HEG1: variants seen among roughly 807,000 people sequenced by gnomAD.
HEG1 encodes heart development protein with EGF like domains 1.
A neutral mutation model predicts 125.6 loss-of-function variants in HEG1; 56 were observed. That is an observed-to-expected ratio of 0.45 (90% CI 0.36 to 0.56). The LOEUF (loss-of-function observed/expected upper bound fraction) is 0.56, where lower values mean the gene tolerates loss of function less well. HEG1 is among the 20% of genes least tolerant of loss of function. The pLI, the probability that HEG1 is intolerant of heterozygous loss-of-function variation, is 0.00. For synonymous variants in HEG1, 644 were observed against 668.5 expected, an observed-to-expected ratio of 0.96 and a Z score of 0.57; for missense variants, 1,523 against 1,670.0, an observed-to-expected ratio of 0.91 and a Z score of 1.53.
chr3:125,033,735 C>A (rs911290574), intron 1 of HEG1, among the ~76,000 whole-genome samples: 1 of 152,130 alleles, frequency 6.6e-6, no homozygotes, highest in South Asian at 2.1e-4. Context: ...TAGCGGTCCG[C>A]GGGCTATTAG....
intron 9 of HEG1, among the ~76,000 whole-genome samples, chr3:125,002,925 C>G (rs1401855931): frequency 1.3e-5 from 2 of 152,162 alleles, no homozygotes; most frequent in Admixed American, 1.3e-4. Context: ...GGCCTGCTTC[C>G]CTGCTACCCT....
At chr3:125,046,177 C>A (rs1937660801) in intron 1 of HEG1, among the ~76,000 whole-genome samples, 1 of 152,080 alleles carries the variant, frequency 6.6e-6, no homozygotes, top group East Asian at 1.9e-4. Flanking sequence ...CTGCTAGCAG[C>A]TACAGCCAGT....
chr3:124,992,977 T>A (rs919833639), intron 12 of HEG1, among the ~76,000 whole-genome samples: 1 of 152,228 alleles, frequency 6.6e-6, no homozygotes, highest in Admixed American at 6.5e-5. Flanking sequence ...GGGGATGTCA[T>A]GGACTGCTTT....
chr3:125,027,223 G>T lies in HEG1; in HGVS notation c.895C>A (p.Leu299Ile), dbSNP rs1201085841. 1 of 1,608,032 alleles carries T rather than the reference G, an allele frequency of 6.2e-7. No individual in the cohort carries two copies. Among genetic ancestry groups the T allele is most frequent in the East Asian group, 2.2e-5 (1 of 44,822 alleles). Residue 299 changes from leucine (L) to isoleucine (I), a missense_variant, in exon 3 of 17, where the codon CTC becomes ATC. Transcript: ENST00000311127. ...HFYRTAASSPLLDLSSSSEST... is the reference protein window; with the variant it reads ...HFYRTAASSPILDLSSSSEST... ...CACTCACATGAGGAAAGGTCTAAGA[G>T]AGGAGAGGAAGCTGCTGTCCTGTAG... is the stretch of plus-strand genomic sequence containing the variant.
rs1553776022 is a variant in HEG1, at chr3:124,987,952, C to CATAT, written c.3733+2831_3733+2834dup. Among the ~76,000 whole-genome samples, 18 of 54,700 alleles carry CATAT rather than the reference C, an allele frequency of 3.3e-4. 2 individuals are homozygous for CATAT. Among genetic ancestry groups the CATAT allele is most frequent in the Admixed American group, 2.2e-3 (10 of 4,534 alleles). 35.9% of individuals were successfully genotyped at this position (54,700 alleles called of 152,430 possible). ...ACACACACACACACACACACACACA[C>CATAT]ATATATATATATATATATATATACC... On this transcript the variant is annotated intron_variant, in intron 14 of 16. Coordinates refer to ENST00000311127, the MANE Select transcript of HEG1 (RefSeq NM_020733.2).
At chr3:124,982,457 C>T (rs1216541511) in intron 14 of HEG1, among the ~76,000 whole-genome samples, 2 of 152,172 alleles carry the variant, frequency 1.3e-5, no homozygotes, top group Middle Eastern at 6.3e-3. Flanking sequence ...TTGTCCTATC[C>T]TTTTTAGTGC....
chr3:125,004,716 T>TA (rs5852436), intron 9 of HEG1, among the ~76,000 whole-genome samples: 2,682 of 145,922 alleles, frequency 0.018, 45 homozygotes, highest in Admixed American at 0.046. Context: ...CATTTTTCTT[T>TA]AAAAAAAAAA....
intron 16 of HEG1, chr3:124,971,179 C>T: frequency 2.2e-6 from 1 of 463,970 alleles, no homozygotes; most frequent in Non-Finnish European, 4.3e-6. Context: ...TTTGAGGAGG[C>T]CTTCAAAGTA....
At chr3:125,003,445 C>T (rs771776289) in intron 9 of HEG1, among the ~76,000 whole-genome samples, 3 of 152,204 alleles carry the variant, frequency 2.0e-5, no homozygotes, top group Non-Finnish European at 2.9e-5. Flanking sequence ...GATTAGTAGA[C>T]ATAAAATTCT....
intron 4 of HEG1, 83 bp from the exon 5 acceptor site, chr3:125,019,680 G>T: frequency 3.7e-6 from 4 of 1,078,026 alleles, no homozygotes; most frequent in Non-Finnish European, 5.4e-6. Context: ...ACCTCTCTAG[G>T]GAAAGATTCT....
chr3:124,985,333 C>G (rs905025554), intron 14 of HEG1, among the ~76,000 whole-genome samples: 1 of 152,062 alleles, frequency 6.6e-6, no homozygotes, highest in African/African-American at 2.4e-5. Context: ...TATTTATTTT[C>G]TAATTAATTT....
At chr3:124,998,465 C>T (rs1936956398) in intron 11 of HEG1, among the ~76,000 whole-genome samples, 1 of 152,168 alleles carries the variant, frequency 6.6e-6, no homozygotes, top group Admixed American at 6.5e-5. Flanking sequence ...CAGTTTCCCC[C>T]ACTCCACTGA....
intron 1 of HEG1, among the ~76,000 whole-genome samples, chr3:125,033,343 G>C (rs902271318): frequency 6.6e-6 from 1 of 152,082 alleles, no homozygotes; most frequent in African/African-American, 2.4e-5. Context: ...CAAGAATCAG[G>C]AGATGGGAGC....
chr3:125,054,734 C>G (rs1937891254), intron 1 of HEG1, among the ~76,000 whole-genome samples: 1 of 152,188 alleles, frequency 6.6e-6, no homozygotes, highest in African/African-American at 2.4e-5. Flanking sequence ...CACATCATCA[C>G]TAGGAGGCTA....
chr3:125,010,500 G>A lies in HEG1; in HGVS notation c.3012C>T (p.Asn1004=). The A allele has an allele frequency of 6.4e-7, 1 of 1,560,742 alleles. No homozygotes were observed. Among genetic ancestry groups the A allele is most frequent in the Non-Finnish European group, 8.7e-7 (1 of 1,151,820 alleles). ...CLHNGECVAD[N]TSRGYHCRCP... is the part of the protein sequence containing the mutation. The stretch of plus-strand genomic sequence containing the variant: ...ACCTGCAGTGGTAGCCACGGCTGGT[G>A]TTGTCTGCGACGCATTCGCCATTGT... The change falls in exon 7 of 17, where the codon AAC becomes AAT. Residue 1004 remains asparagine, a synonymous_variant. Transcript: ENST00000311127.
At chr3:125,015,364 C>A (rs1313706463) in intron 5 of HEG1, among the ~76,000 whole-genome samples, 1 of 152,156 alleles carries the variant, frequency 6.6e-6, no homozygotes, top group Non-Finnish European at 1.5e-5. Flanking sequence ...ACTAATAATC[C>A]TACTGGGGCT....
chr3:124,970,550 C>A lies in HEG1; in HGVS notation c.*102G>T. 9.5e-7 allele frequency: 1 copy of A among 1,048,656 alleles called. No individual in the cohort carries two copies. 65.0% of individuals were successfully genotyped at this position (1,048,656 alleles called of 1,614,324 possible). A position where few individuals can be genotyped will look rare whatever the true frequency, so the allele number is the denominator to read the frequency against. Reference sequence around the variant, plus strand: ...GTCCCTCTTCCTGCTTGCCACTCAGCGTGGCTCCCGACAAATCCTGGGCGC... The same window carrying A: ...GTCCCTCTTCCTGCTTGCCACTCAGAGTGGCTCCCGACAAATCCTGGGCGC... On this transcript the variant is annotated 3_prime_UTR_variant, in exon 17 of 17. Transcript: ENST00000311127.
chr3:124,974,679 C>T (rs1219097138), intron 15 of HEG1, among the ~76,000 whole-genome samples: 1 of 152,164 alleles, frequency 6.6e-6, no homozygotes, highest in African/African-American at 2.4e-5. Flanking sequence ...CTAACCGGTC[C>T]AGGATCAGAA....
At chr3:125,018,670 G>A (rs1937288834) in intron 5 of HEG1, among the ~76,000 whole-genome samples, 1 of 152,116 alleles carries the variant, frequency 6.6e-6, no homozygotes, top group Non-Finnish European at 1.5e-5. Flanking sequence ...TTGGCTACAG[G>A]GAATGAGAGG....
Sources: allele counts gnomAD v4.1 joint callset (sites outside exome capture counted in the v4.1 genomes callset), GRCh38; gene constraint gnomAD v4.1.1; transcripts MANE v1.5; gene names NCBI Gene and HGNC (gene_info 2026-07-23, HGNC 2026-07-21).